Variants in PDE3B observed in about 807,000 individuals in gnomAD.
PDE3B encodes cGMP-inhibited 3',5'-cyclic phosphodiesterase 3B.
Under a neutral mutation model 116.8 loss-of-function variants are expected in PDE3B, and 66 were observed. The ratio of observed to expected loss-of-function variants is 0.56; its 90% confidence interval spans 0.46 to 0.69. The LOEUF is 0.69. Ranked by LOEUF, PDE3B falls within the 30% of genes least tolerant of loss-of-function variation. The pLI is 0.00. For synonymous variants in PDE3B, 595 were observed against 533.6 expected, an observed-to-expected ratio of 1.12 and a Z score of -1.59; for missense variants, 1,384 against 1,368.1, an observed-to-expected ratio of 1.01 and a Z score of -0.18.
At chr11:14,879,539 A>G in the PDE3B span, 1 of 907,266 alleles carries the variant, frequency 1.1e-6, no homozygotes, top group Non-Finnish European at 1.7e-6. Flanking sequence ...ACCTATAACA[A>G]GCCAATAGGA....
chr11:14,888,771 G>A, the PDE3B span, among the ~76,000 whole-genome samples: 1 of 152,134 alleles, frequency 6.6e-6, no homozygotes, highest in Admixed American at 6.5e-5. Context: ...TCAGTGCTGT[G>A]CATAAAGTTC....
intron 4 of PDE3B, among the ~76,000 whole-genome samples, chr11:14,796,489 T>C (rs2133926404): frequency 6.6e-6 from 1 of 152,340 alleles, no homozygotes; most frequent in Middle Eastern, 3.4e-3. Context: ...TCACCAACAG[T>C]GTAAAAGTAT....
chr11:14,849,934 T>G (rs1847705384), intron 12 of PDE3B, among the ~76,000 whole-genome samples: 1 of 152,066 alleles, frequency 6.6e-6, no homozygotes, highest in Admixed American at 6.5e-5. Context: ...GTGTGGCGAT[T>G]CCTCAGGGAT....
At position 14,818,252 on chromosome 11, in the gene PDE3B, A is replaced by G. The variant is rs1859393866; in HGVS notation, c.1592A>G (p.Asn531Ser). Reference protein sequence around the residue: ...HGPVSTGSLTNRSPIEFPDTA... With the variant: ...HGPVSTGSLTSRSPIEFPDTA... ...CCAGTGTCTACTGGCTCTCTAACTA[A>G]TCGATCACCCATAGAATTTCCTGAT... The change falls in exon 6 of 16, where the codon AAT becomes AGT. Residue 531 changes from asparagine to serine, a missense_variant. Asn to Ser is a conservative substitution (Grantham distance 46). Around this residue, in one of 2 missense-constraint regions of PDE3B, gnomAD observed 956 missense variants for 806.8 expected, o/e 1.18. Coordinates refer to ENST00000282096, the MANE Select transcript of PDE3B (RefSeq NM_000922.4). 6.2e-7 allele frequency: 1 copy of G among 1,613,432 alleles called. No individual in the cohort carries two copies. Among genetic ancestry groups the G allele is most frequent in the South Asian group, 1.1e-5 (1 of 91,072 alleles).
In PDE3B at chr11:14,758,787, A is replaced by C. The variant is rs1554990211; in HGVS notation, c.979-13150A>C. Among the ~76,000 whole-genome samples the C allele has an allele frequency of 2.0e-5, 3 of 151,796 alleles. 1 individual carries two copies. The highest frequency in any genetic ancestry group is 4.9e-5 in the African/African-American group (2 of 41,076). ...CTTCTCCTGCCTAATTGTCCTGGCC[A>C]GAACTTCCAACACTATGTTGAATAG... On this transcript the variant is annotated intron_variant, in intron 1 of 15. Coordinates refer to ENST00000282096, the MANE Select transcript of PDE3B (RefSeq NM_000922.4).
chr11:14,866,809 CT>C (rs1178647462), intron 14 of PDE3B, among the ~76,000 whole-genome samples: 6 of 152,082 alleles, frequency 3.9e-5, no homozygotes, highest in Non-Finnish European at 7.4e-5. Flanking sequence ...TTCCTTTAAC[CT>C]CATCATAGCA....
chr11:14,644,844 T>A lies in PDE3B; in HGVS notation c.769T>A (p.Cys257Ser), dbSNP rs375572283. The A allele has an allele frequency of 1.8e-5, 29 of 1,612,504 alleles. No homozygotes were observed. Among genetic ancestry groups the A allele is most frequent in the Non-Finnish European group, 2.4e-5 (28 of 1,179,216 alleles). Residue 257 changes from cysteine (C) to serine (S), a missense_variant, in exon 1 of 16, where the codon TGC becomes AGC. By Grantham distance (112) the Cys-to-Ser change is moderately radical (BLOSUM62 -1). Transcript: ENST00000282096. ...LLSGLVGGAG[C>S]LLALGLDHFF... is the part of the protein sequence containing the mutation. ...CTCCGGCCTGGTGGGGGGCGCTGGCTGCCTGCTGGCCCTGGGGTTGGATCA... is the reference window on the plus strand; with the variant it reads ...CTCCGGCCTGGTGGGGGGCGCTGGCAGCCTGCTGGCCCTGGGGTTGGATCA...
At chr11:14,704,593 C>A (rs910485684) in intron 1 of PDE3B, among the ~76,000 whole-genome samples, 1 of 151,604 alleles carries the variant, frequency 6.6e-6, no homozygotes. Context: ...GGACAATAGA[C>A]CCACACATAC....
chr11:14,803,814 C>G (rs1336440574), intron 4 of PDE3B, 130 bp from the exon 5 acceptor site: 2 of 616,132 alleles, frequency 3.2e-6, no homozygotes, highest in African/African-American at 3.7e-5. Context: ...CTGCTTTAGG[C>G]CTTAGGCACT....
chr11:14,673,256 T>C lies in PDE3B; in HGVS notation c.978+28203T>C, dbSNP rs144096475. ...CTAGGAATCAGAGTATTTTGTCATA[T>C]AGCATTAACATGTATTATAAAAGTG... On this transcript the variant is annotated intron_variant, in intron 1 of 15. Transcript: ENST00000282096. Among the ~76,000 whole-genome samples, 690 of 152,112 alleles carry C rather than the reference T, an allele frequency of 4.5e-3. 3 individuals are homozygous for C. The highest frequency in any genetic ancestry group is 7.6e-3 in the Non-Finnish European group (518 of 67,980).
intron 4 of PDE3B, among the ~76,000 whole-genome samples, chr11:14,799,521 T>G (rs1858674099): frequency 6.6e-6 from 1 of 152,164 alleles, no homozygotes; most frequent in Non-Finnish European, 1.5e-5. Context: ...TGTCTAATAT[T>G]GACAGTAGGG....
the PDE3B span, chr11:14,879,126 G>C: frequency 6.2e-7 from 1 of 1,612,838 alleles, no homozygotes; most frequent in South Asian, 1.1e-5. Context: ...AGGGAAAAAG[G>C]AACCAAAGCT....
Position 14,819,154 on chromosome 11 carries a change from G to A in PDE3B, c.1752G>A (p.Leu584=), listed in dbSNP as rs895400686. 1.3e-6 allele frequency: 2 copies of A among 1,595,222 alleles called. No homozygotes were observed. The highest frequency in any genetic ancestry group is 1.7e-6 in the Non-Finnish European group (2 of 1,166,868). ...NLCNSCGHQM[L]KYVSTSESDG... ...CTATAAGCTGTGGACATCAAATGCT[G>A]AAATATGTTTCAACATCTGAATCAG... The change falls in exon 7 of 16, where the codon CTG becomes CTA. Residue 584 remains leucine, a synonymous_variant. Transcript: ENST00000282096.
intron 1 of PDE3B, among the ~76,000 whole-genome samples, chr11:14,705,066 C>T (rs1301712372): frequency 1.3e-5 from 2 of 151,706 alleles, no homozygotes; most frequent in Non-Finnish European, 3.0e-5. Flanking sequence ...AGCACTGCTA[C>T]TACATTCTAG....
the PDE3B span, among the ~76,000 whole-genome samples, chr11:14,898,714 TTTTTC>T: frequency 2.0e-5 from 3 of 152,034 alleles, no homozygotes; most frequent in African/African-American, 4.8e-5. Flanking sequence ...TTTTTTTCTC[TTTTTC>T]TTTTCTTTTC....
At chr11:14,807,501 T>C (rs1344691392) in intron 5 of PDE3B, among the ~76,000 whole-genome samples, 1 of 151,674 alleles carries the variant, frequency 6.6e-6, no homozygotes, top group Non-Finnish European at 1.5e-5. Context: ...GAAAAAGATA[T>C]AACTAAAAAG....
chr11:14,662,303 T>A (rs1853952537), intron 1 of PDE3B, among the ~76,000 whole-genome samples: 1 of 151,980 alleles, frequency 6.6e-6, no homozygotes, highest in Admixed American at 6.6e-5. Context: ...CAAAAACCCA[T>A]CTGTACATCA....
chr11:14,794,164 T>C (rs1165916733), intron 4 of PDE3B, among the ~76,000 whole-genome samples: 1 of 152,204 alleles, frequency 6.6e-6, no homozygotes, highest in African/African-American at 2.4e-5. Context: ...ACAAACTCAA[T>C]TTCTTCCACC....
At chr11:14,712,314 G>A (rs1855728213) in intron 1 of PDE3B, among the ~76,000 whole-genome samples, 1 of 151,942 alleles carries the variant, frequency 6.6e-6, no homozygotes, top group Non-Finnish European at 1.5e-5. Context: ...TGAACTCCTG[G>A]CCTCAAGCAA....
Sources: allele counts gnomAD v4.1 joint callset (sites outside exome capture counted in the v4.1 genomes callset), GRCh38; gene constraint gnomAD v4.1.1; regional missense constraint gnomAD v4.1.1; transcripts MANE v1.5; gene names NCBI Gene and HGNC (gene_info 2026-07-23, HGNC 2026-07-21).